PDE4D: variants seen among roughly 807,000 people sequenced by gnomAD.
PDE4D encodes the protein 3',5'-cyclic-AMP phosphodiesterase 4D.
In PDE4D, 24 loss-of-function variants were observed where a neutral mutation model predicts 87.4. That is an observed-to-expected ratio of 0.27 (90% CI 0.20 to 0.39). PDE4D has a LOEUF of 0.39. Among genes scored for constraint, PDE4D ranks in the 10% least tolerant of loss-of-function variants. PDE4D has a pLI of 1.00. For synonymous variants in PDE4D, 384 were observed against 383.2 expected, an observed-to-expected ratio of 1.00 and a Z score of -0.02; for missense variants, 714 against 1,041.0, an observed-to-expected ratio of 0.69 and a Z score of 4.32.
chr5:59,509,492 A>G (rs937513047), intron 1 of PDE4D, among the ~76,000 whole-genome samples: 1 of 151,726 alleles, frequency 6.6e-6, no homozygotes, highest in Non-Finnish European at 1.5e-5. Flanking sequence ...AAGATGACTT[A>G]CTACAACTAT....
At position 59,388,429 on chromosome 5, in the gene PDE4D, G is replaced by A. The variant is rs551337917; in HGVS notation, c.456-172461C>T. ...CATAGCCATTATGGAAAACAGCATC[G>A]AGGTTCTTTAAAAGCTAAAAATAGT... On this transcript the variant is annotated intron_variant, in intron 1 of 14. Coordinates refer to ENST00000340635, the MANE Select transcript of PDE4D (RefSeq NM_001104631.2). Among the ~76,000 whole-genome samples, 7 of 152,192 alleles carry A rather than the reference G, an allele frequency of 4.6e-5. No homozygotes were observed. In the South Asian group the frequency reaches 1.2e-3, roughly 27 times the overall value.
At chr5:60,040,807 T>A (rs976079859) in intron 2 of PDE4D, among the ~76,000 whole-genome samples, 1 of 152,176 alleles carries the variant, frequency 6.6e-6, no homozygotes, top group African/African-American at 2.4e-5. Flanking sequence ...TTACCCTAAA[T>A]GTTAATTCTT....
rs370363579 is a variant in PDE4D, at chr5:60,046,191, G to A, written c.43-57474C>T. ...TTGTCTGTTGTTGGTGTATAAGAAC[G>A]CTTGTGATTTTTGTACATTGATTTT... On this transcript the variant is annotated intron_variant, in intron 2 of 16. Coordinates refer to the PDE4D transcript ENST00000502484. Among the ~76,000 whole-genome samples, 12 of 152,292 alleles carry A rather than the reference G, an allele frequency of 7.9e-5. No homozygotes were observed. In the East Asian group the frequency reaches 1.5e-3, roughly 20 times the overall value.
intron 1 of PDE4D, among the ~76,000 whole-genome samples, chr5:59,552,533 G>A (rs1289401181): frequency 6.6e-6 from 1 of 151,986 alleles, no homozygotes; most frequent in Non-Finnish European, 1.5e-5. Context: ...TAACTAAGCT[G>A]ACTTTAATAG....
intron 1 of PDE4D, among the ~76,000 whole-genome samples, chr5:59,386,702 G>GAAGAGAGGGAGGAAGGGAGGAAGA (rs1562081601): frequency 1.4e-5 from 2 of 144,766 alleles, no homozygotes; most frequent in Admixed American, 6.9e-5. Flanking sequence ...AGGGAGGGAG[G>GAAGAGAGGGAGGAAGGGAGGAAGA]GAGGGAGGGA....
chr5:60,089,287 T>G (rs1736324091), intron 2 of PDE4D, among the ~76,000 whole-genome samples: 1 of 152,002 alleles, frequency 6.6e-6, no homozygotes, highest in Non-Finnish European at 1.5e-5. Flanking sequence ...GACCATATGT[T>G]AGGTAACAAA....
intron 1 of PDE4D, among the ~76,000 whole-genome samples, chr5:59,746,944 A>T (rs1759699996): frequency 6.6e-6 from 1 of 152,000 alleles, no homozygotes; most frequent in Non-Finnish European, 1.5e-5. Flanking sequence ...TCCCCTCCTA[A>T]TCCAGTTTTC....
chr5:60,389,703 C>T (rs976201501), intron 1 of PDE4D, among the ~76,000 whole-genome samples: 3 of 152,118 alleles, frequency 2.0e-5, no homozygotes, highest in African/African-American at 4.8e-5. Flanking sequence ...CCTCTCCATA[C>T]GGGCCTTTCT....
intron 1 of PDE4D, among the ~76,000 whole-genome samples, chr5:59,832,100 T>C (rs1461111148): frequency 1.3e-5 from 2 of 152,198 alleles, no homozygotes; most frequent in East Asian, 1.9e-4. Context: ...GAAAAGACCA[T>C]TGGTCTGGCA....
At chr5:59,392,445 G>C (rs575045) in intron 1 of PDE4D, among the ~76,000 whole-genome samples, 60,300 of 149,804 alleles carry the variant, frequency 0.4, 12,317 homozygotes, top group East Asian at 0.48. Context: ...ATTGTGGAAC[G>C]TTGTGATTAC....
chr5:59,217,209 G>T, intron 1 of PDE4D: 1 of 455,938 alleles, frequency 2.2e-6, no homozygotes, highest in Non-Finnish European at 4.4e-6. Context: ...CTTAGGAGAG[G>T]AGGGTGATAG....
At chr5:60,110,372 A>C (rs376263919) in intron 2 of PDE4D, among the ~76,000 whole-genome samples, 1 of 152,142 alleles carries the variant, frequency 6.6e-6, no homozygotes, top group African/African-American at 2.4e-5. Flanking sequence ...ATCTGAATAG[A>C]CACTTTTCAA....
chr5:59,454,861 G>C (rs1350075810), intron 1 of PDE4D, among the ~76,000 whole-genome samples: 1 of 152,176 alleles, frequency 6.6e-6, no homozygotes, highest in Non-Finnish European at 1.5e-5. Flanking sequence ...AGTGACTCTT[G>C]TTATGTTTTA....
At chr5:60,255,705 G>A (rs1241774578) in intron 1 of PDE4D, among the ~76,000 whole-genome samples, 1 of 151,634 alleles carries the variant, frequency 6.6e-6, no homozygotes, top group African/African-American at 2.4e-5. Context: ...AAGTAAGTAT[G>A]GCCAGGTGCA....
At chr5:59,260,011 C>T (rs1030347059) in intron 1 of PDE4D, among the ~76,000 whole-genome samples, 1 of 151,808 alleles carries the variant, frequency 6.6e-6, no homozygotes, top group African/African-American at 2.4e-5. Context: ...TTCACAAATT[C>T]CAGCATCAGT....
chr5:59,281,986 T>C (rs1252992390), intron 1 of PDE4D, among the ~76,000 whole-genome samples: 1 of 152,228 alleles, frequency 6.6e-6, no homozygotes, highest in Admixed American at 6.5e-5. Context: ...TCACTTGACT[T>C]TCATAGACAA....
chr5:59,668,450 C>T (rs1407639284), intron 1 of PDE4D, among the ~76,000 whole-genome samples: 1 of 152,098 alleles, frequency 6.6e-6, no homozygotes, highest in Non-Finnish European at 1.5e-5. Context: ...TGGCTCATGC[C>T]TGTAACTCCA....
At chr5:60,362,594 A>T (rs559834946) in intron 1 of PDE4D, among the ~76,000 whole-genome samples, 1 of 152,198 alleles carries the variant, frequency 6.6e-6, no homozygotes. Flanking sequence ...ACAGTGGCTC[A>T]CGCCTGTAAT....
chr5:59,112,803 C>CT (rs70973195), intron 5 of PDE4D, among the ~76,000 whole-genome samples: 202 of 127,240 alleles, frequency 1.6e-3, no homozygotes, highest in African/African-American at 2.4e-3. Flanking sequence ...CTTTTTCTTT[C>CT]TTTTTTTTTT....
Sources: gnomAD v4.1 joint callset for allele counts (sites outside exome capture counted in the v4.1 genomes callset) on GRCh38, gnomAD v4.1.1 for gene constraint, MANE v1.5 for transcripts, NCBI Gene and HGNC (gene_info 2026-07-23, HGNC 2026-07-21) for gene names.